The following RELN variants were observed in gnomAD, a reference collection of about 807,000 sequenced individuals.
RELN encodes the protein reelin.
A neutral mutation model predicts 427.6 loss-of-function variants in RELN; 108 were observed. That is an observed-to-expected ratio of 0.25 (90% confidence interval 0.22 to 0.30). RELN has a LOEUF of 0.30. Ranked by LOEUF, RELN falls within the 10% of genes least tolerant of loss-of-function variation. The pLI, the probability that RELN is intolerant of heterozygous loss-of-function variation, is 1.00. For synonymous variants in RELN, 1,524 were observed against 1,513.4 expected (o/e 1.01, Z -0.16); for missense variants, 3,715 against 4,302.8 (o/e 0.86, Z 3.82).
At chr7:103,630,214 G>C (rs758388829) in intron 19 of RELN, 38 bp from the exon 20 acceptor site, 1 of 1,400,138 alleles carries the variant, frequency 7.1e-7, no homozygotes, top group Non-Finnish European at 1.0e-6. Context: ...AGATTATTTT[G>C]GTATCTTAAA....
In RELN at chr7:103,620,310, C is replaced by T. The variant is rs1832188159; in HGVS notation, c.2703-8507G>A. ...AAATCTCTTTTTCTTTATAAATTGTCCAGTCTCAGGTATGTCTTCATCAGC... is the reference window on the plus strand; with the variant it reads ...AAATCTCTTTTTCTTTATAAATTGTTCAGTCTCAGGTATGTCTTCATCAGC... On this transcript the variant is annotated intron_variant, in intron 20 of 64. Coordinates refer to ENST00000428762, the MANE Select transcript of RELN (RefSeq NM_005045.4). This position sits in a 1 kb window ranked among gnomAD's most constrained non-coding sequence, Gnocchi z 4.1. Among the ~76,000 whole-genome samples, 1 of 152,132 alleles carries T rather than the reference C, an allele frequency of 6.6e-6. No individual in the cohort carries two copies. Among genetic ancestry groups the T allele is most frequent in the Non-Finnish European group, 1.5e-5 (1 of 68,034 alleles).
chr7:103,886,061 A>C (rs1794720878), intron 2 of RELN, among the ~76,000 whole-genome samples: 1 of 152,208 alleles, frequency 6.6e-6, no homozygotes, highest in African/African-American at 2.4e-5. Context: ...TGAAGTGACT[A>C]AATATTAGAG....
chr7:103,680,102 T>G (rs1833621344), intron 11 of RELN, among the ~76,000 whole-genome samples: 1 of 152,022 alleles, frequency 6.6e-6, no homozygotes, highest in Non-Finnish European at 1.5e-5. Context: ...AAAATAAATT[T>G]TATTTCCCCC....
chr7:103,883,930 T>C (rs1277696162), intron 2 of RELN, among the ~76,000 whole-genome samples: 2 of 152,168 alleles, frequency 1.3e-5, no homozygotes, highest in Non-Finnish European at 2.9e-5. Context: ...TAGGAAAAAC[T>C]ACTTTAAATT....
chr7:103,760,931 A>G (rs945173869), intron 4 of RELN, among the ~76,000 whole-genome samples: 2 of 152,184 alleles, frequency 1.3e-5, no homozygotes, highest in Non-Finnish European at 2.9e-5. Flanking sequence ...GCAATAAAGC[A>G]CCATTTGACC....
At chr7:103,630,230 A>G (rs1832422146) in intron 19 of RELN, 54 bp from the exon 20 acceptor site, 1 of 1,155,910 alleles carries the variant, frequency 8.7e-7, no homozygotes. Context: ...TTAAAACACA[A>G]ATATTTATAG....
In RELN at chr7:103,770,913, C is replaced by CTTT. The variant is rs751942279; in HGVS notation, c.544+5641_544+5643dup. On this transcript the variant is annotated intron_variant, in intron 4 of 64. Transcript: ENST00000428762. ...TTTCAGCCAAATTGCCAATCGCTTA[C>CTTT]TTTTTTTTTTTTTTTTTTTGAGGTG... Among the ~76,000 whole-genome samples the CTTT allele has an allele frequency of 5.8e-4, 69 of 119,112 alleles. 3 individuals carry two copies. Among genetic ancestry groups the CTTT allele is most frequent in the African/African-American group, 1.9e-3 (58 of 30,292 alleles). 78.1% of individuals were successfully genotyped at this position (119,112 alleles called of 152,430 possible).
At chr7:103,491,751 C>T (rs1475117362) in intron 58 of RELN, among the ~76,000 whole-genome samples, 1 of 151,666 alleles carries the variant, frequency 6.6e-6, no homozygotes, top group African/African-American at 2.4e-5. Flanking sequence ...ACCGCTTGAA[C>T]CTGGGAGGCG....
At chr7:103,945,580 A>G (rs1796204288) in intron 1 of RELN, among the ~76,000 whole-genome samples, 1 of 152,098 alleles carries the variant, frequency 6.6e-6, no homozygotes, top group African/African-American at 2.4e-5. Context: ...TTCCTCAGGG[A>G]AGATTTCCCT....
chr7:103,674,580 T>A (rs1833470532), intron 11 of RELN, among the ~76,000 whole-genome samples: 1 of 152,140 alleles, frequency 6.6e-6, no homozygotes, highest in Non-Finnish European at 1.5e-5. Flanking sequence ...CCATTCCTCA[T>A]GTCCGCATTC....
At chr7:103,972,547 C>T (rs1796785082) in intron 1 of RELN, among the ~76,000 whole-genome samples, 2 of 151,962 alleles carry the variant, frequency 1.3e-5, no homozygotes, top group South Asian at 4.2e-4. Context: ...GGATGGAATG[C>T]AGATGAAGTA....
intron 51 of RELN, 78 bp from the exon 52 acceptor site, chr7:103,503,308 G>T: frequency 8.0e-7 from 1 of 1,250,232 alleles, no homozygotes; most frequent in East Asian, 2.4e-5. Flanking sequence ...CAGCAAAAAA[G>T]CTGCTGATCA....
rs1251185704 is a variant in RELN, at chr7:103,737,683, A to G, written c.657-9476T>C. ...AGCCAAATCACCAATCTTTTTCCTT[A>G]TTTCATATTAATTGCTCCAACAAAT... On this transcript the variant is annotated intron_variant, in intron 6 of 64. Transcript: ENST00000428762. Among the ~76,000 whole-genome samples, 3 of 152,188 alleles carry G rather than the reference A, an allele frequency of 2.0e-5. No individual in the cohort carries two copies. In the East Asian group the frequency reaches 5.8e-4, roughly 29 times the overall value.
At chr7:103,678,632 C>T (rs1033663159) in intron 11 of RELN, among the ~76,000 whole-genome samples, 4 of 152,120 alleles carry the variant, frequency 2.6e-5, no homozygotes, top group African/African-American at 9.7e-5. Flanking sequence ...CTCTTTTCTT[C>T]CTTGCCATTC....
intron 5 of RELN, among the ~76,000 whole-genome samples, chr7:103,750,989 T>C (rs1208217873): frequency 2.0e-5 from 3 of 152,200 alleles, no homozygotes; most frequent in Non-Finnish European, 4.4e-5. Context: ...ATAAGTAAAC[T>C]CACTTTCATG....
Position 103,635,539 on chromosome 7 carries a change from G to C in RELN, c.2351C>G (p.Thr784Arg), listed in dbSNP as rs144235468. The change falls in exon 19 of 65, where the codon ACG (threonine) becomes AGG (arginine). Residue 784 changes from threonine (T) to arginine (R), a missense_variant. Transcript: ENST00000428762. The stretch of plus-strand genomic sequence containing the variant: ...ACCAGGCTGATCAGGGGCTCTGCAC[G>C]TGCTCAGAACAGATTTGCTCCCCAG... ...LRLGSKSVLS[T>R]CRAPDQPGEG... 6.2e-7 allele frequency: 1 copy of C among 1,613,864 alleles called. No individual in the cohort carries two copies. Among genetic ancestry groups the C allele is most frequent in the Non-Finnish European group, 8.5e-7 (1 of 1,179,828 alleles).
At chr7:103,770,328 C>T (rs1479045568) in intron 4 of RELN, among the ~76,000 whole-genome samples, 1 of 152,218 alleles carries the variant, frequency 6.6e-6, no homozygotes, top group Non-Finnish European at 1.5e-5. Flanking sequence ...TCGTGATCCA[C>T]CCGTCTTGGC....
intron 12 of RELN, among the ~76,000 whole-genome samples, chr7:103,658,219 G>C (rs1039235183): frequency 3.9e-5 from 6 of 152,070 alleles, no homozygotes; most frequent in African/African-American, 7.2e-5. Context: ...ACTGAACTTT[G>C]AAAGTTGAGC....
chr7:103,686,770 C>T (rs376425449), intron 10 of RELN, among the ~76,000 whole-genome samples: 1 of 152,040 alleles, frequency 6.6e-6, no homozygotes, highest in Non-Finnish European at 1.5e-5. Context: ...TTCCTACATC[C>T]CAGTTCAACA....
Sources: gnomAD v4.1 joint callset for allele counts (sites outside exome capture counted in the v4.1 genomes callset) on GRCh38, gnomAD v4.1.1 for gene constraint, Gnocchi (gnomAD v3.1) non-coding constraint, MANE v1.5 for transcripts, NCBI Gene and HGNC (gene_info 2026-07-23, HGNC 2026-07-21) for gene names.